Variants in NYAP2 observed in about 807,000 individuals in gnomAD.
NYAP2 encodes neuronal tyrosine-phosphorylated phosphoinositide-3-kinase adapter 2.
In NYAP2, 23 loss-of-function variants were observed where a neutral mutation model predicts 50.4. The observed-to-expected ratio is 0.46, with a 90% confidence interval of 0.33 to 0.65. NYAP2 has a LOEUF of 0.65. NYAP2 is among the 30% of genes least tolerant of loss of function. NYAP2 has a pLI of 0.02. For missense variants in NYAP2, 885 were observed against 861.0 expected (o/e 1.03, Z -0.35); for synonymous variants, 394 against 365.2 (o/e 1.08, Z -0.90).
intron 3 of NYAP2, among the ~76,000 whole-genome samples, chr2:225,499,048 A>G (rs1468624710): frequency 6.6e-6 from 1 of 150,932 alleles, no homozygotes; most frequent in Non-Finnish European, 1.5e-5. Context: ...ATATTTGTCA[A>G]AGACAACCAC....
rs1181369902 is a variant in NYAP2, at chr2:225,525,906, T to G, written c.523+12234T>G. On this transcript the variant is annotated intron_variant, in intron 4 of 6. Coordinates refer to ENST00000636099, the Ensembl canonical transcript of NYAP2. ...ATCATCTTTGGACCTGAGGCACAGT[T>G]GCTGGCTTGAAGATAGAGGGGCCAT... Among the ~76,000 whole-genome samples, 5 of 152,188 alleles carry G rather than the reference T, an allele frequency of 3.3e-5. No homozygotes were observed. The East Asian group carries it at 9.6e-4, about 29-fold the overall frequency.
At chr2:225,513,427 G>T (rs374800176) in exon 4 of NYAP2, 5 of 1,613,864 alleles carry the variant, frequency 3.1e-6, no homozygotes, top group African/African-American at 1.3e-5. Flanking sequence ...AAACATTTCC[G>T]CATGGGATTC....
intron 6 of NYAP2, among the ~76,000 whole-genome samples, chr2:225,631,219 T>C (rs1233407451): frequency 6.6e-6 from 1 of 152,234 alleles, no homozygotes; most frequent in East Asian, 1.9e-4. Flanking sequence ...TCTTTACACT[T>C]TGATATGAAT....
intron 3 of NYAP2, among the ~76,000 whole-genome samples, chr2:225,416,703 A>G (rs1460438697): frequency 6.6e-6 from 1 of 152,120 alleles, no homozygotes; most frequent in African/African-American, 2.4e-5. Context: ...AGCTATTTAT[A>G]CTTTTGGTTG....
At chr2:225,604,226 T>C (rs1692746234) in intron 5 of NYAP2, among the ~76,000 whole-genome samples, 1 of 152,110 alleles carries the variant, frequency 6.6e-6, no homozygotes, top group African/African-American at 2.4e-5. Context: ...TAAAAAAAGC[T>C]GAAAACATAG....
downstream of NYAP2, among the ~76,000 whole-genome samples, chr2:225,655,607 C>T (rs941309816): frequency 6.6e-6 from 1 of 152,162 alleles, no homozygotes; most frequent in Non-Finnish European, 1.5e-5. Flanking sequence ...CTCTTAGACA[C>T]AGCAGATGGT....
intron 3 of NYAP2, among the ~76,000 whole-genome samples, chr2:225,476,481 T>A (rs1168383492): frequency 1.3e-5 from 2 of 152,174 alleles, no homozygotes; most frequent in African/African-American, 2.4e-5. Context: ...ACATTCTATT[T>A]CTAATGCCTT....
intron 3 of NYAP2, among the ~76,000 whole-genome samples, chr2:225,435,088 C>T (rs925837839): frequency 1.3e-5 from 2 of 152,122 alleles, no homozygotes; most frequent in African/African-American, 2.4e-5. Context: ...TTTGTGACTT[C>T]CTTATTGGCC....
At chr2:225,453,076 A>G (rs1278634253) in intron 3 of NYAP2, among the ~76,000 whole-genome samples, 1 of 152,224 alleles carries the variant, frequency 6.6e-6, no homozygotes, top group African/African-American at 2.4e-5. Context: ...TTTCAAATAT[A>G]GGTGAATTCT....
chr2:225,692,202 C>G, the NYAP2 span, among the ~76,000 whole-genome samples: 1 of 152,000 alleles, frequency 6.6e-6, no homozygotes, highest in Non-Finnish European at 1.5e-5. Flanking sequence ...GATATGCATG[C>G]TTGTATCAGT....
At chr2:225,548,886 A>T (rs1691626940) in intron 4 of NYAP2, among the ~76,000 whole-genome samples, 1 of 146,608 alleles carries the variant, frequency 6.8e-6, no homozygotes. Flanking sequence ...GAATGCAGCA[A>T]TTTTTTTTTT....
intron 4 of NYAP2, among the ~76,000 whole-genome samples, chr2:225,530,926 A>G (rs1278707126): frequency 1.3e-5 from 2 of 152,078 alleles, no homozygotes; most frequent in African/African-American, 4.8e-5. Flanking sequence ...TTGCACTTTT[A>G]TGCTCCTATC....
chr2:225,609,529 C>A (rs113591276), intron 5 of NYAP2, among the ~76,000 whole-genome samples: 3 of 152,058 alleles, frequency 2.0e-5, no homozygotes, highest in African/African-American at 7.2e-5. Context: ...AGAAATGCAG[C>A]GAGTTCTTAG....
At chr2:225,433,971 T>C (rs1689324849) in intron 3 of NYAP2, among the ~76,000 whole-genome samples, 1 of 152,208 alleles carries the variant, frequency 6.6e-6, no homozygotes, top group Admixed American at 6.5e-5. Flanking sequence ...CATGTATCTC[T>C]ATAATTACCA....
At chr2:225,575,413 A>G (rs1281976327) in intron 4 of NYAP2, among the ~76,000 whole-genome samples, 1 of 152,212 alleles carries the variant, frequency 6.6e-6, no homozygotes, top group East Asian at 1.9e-4. Flanking sequence ...ATATTTGCTC[A>G]AAATTCTGTG....
At chr2:225,660,441 ATTTTTT>A in the NYAP2 span, among the ~76,000 whole-genome samples, 2 of 134,008 alleles carry the variant, frequency 1.5e-5, no homozygotes, top group Non-Finnish European at 1.6e-5. Flanking sequence ...CACAGGATAC[ATTTTTT>A]TTTTTTTTTT....
intron 4 of NYAP2, among the ~76,000 whole-genome samples, chr2:225,544,441 T>G (rs745847892): frequency 1.3e-5 from 2 of 152,060 alleles, no homozygotes; most frequent in Non-Finnish European, 2.9e-5. Flanking sequence ...GTATGATGTT[T>G]AATTTGAGTT....
chr2:225,559,690 C>G (rs900010987), intron 4 of NYAP2, among the ~76,000 whole-genome samples: 2 of 151,924 alleles, frequency 1.3e-5, no homozygotes, highest in Non-Finnish European at 2.9e-5. Context: ...AACACACAAA[C>G]AAAATATTAA....
intron 5 of NYAP2, among the ~76,000 whole-genome samples, chr2:225,612,578 G>A (rs1692909439): frequency 6.6e-6 from 1 of 152,102 alleles, no homozygotes; most frequent in Non-Finnish European, 1.5e-5. Flanking sequence ...CAGTTCTGGA[G>A]GCTGGGAAGT....
Sources: gnomAD v4.1 joint callset for allele counts (sites outside exome capture counted in the v4.1 genomes callset) on GRCh38, gnomAD v4.1.1 for gene constraint, MANE v1.5 for transcripts, NCBI Gene and HGNC (gene_info 2026-07-23, HGNC 2026-07-21) for gene names.